Variants in NUFIP1 observed in about 807,000 individuals in gnomAD.
NUFIP1 encodes the protein nuclear FMR1 interacting protein 1.
NUFIP1 carries 38 observed loss-of-function variants against 56.2 expected under a neutral mutation model. The observed-to-expected ratio is 0.68, with a 90% confidence interval of 0.52 to 0.89. The LOEUF (loss-of-function observed/expected upper bound fraction) is 0.89, where lower values mean the gene tolerates loss of function less well. Ranked by LOEUF, NUFIP1 falls within the 40% of genes least tolerant of loss-of-function variation. The pLI is 0.00. For missense variants in NUFIP1, 567 were observed against 605.8 expected (o/e 0.94, Z 0.67); for synonymous variants, 215 against 212.4 (o/e 1.01, Z -0.10).
At chr13:44,962,855 G>A (rs984308746) in intron 6 of NUFIP1, among the ~76,000 whole-genome samples, 3 of 152,132 alleles carry the variant, frequency 2.0e-5, no homozygotes, top group Non-Finnish European at 4.4e-5. Context: ...TTAGCATTGT[G>A]TTACAACTGG....
At chr13:44,974,487 A>C (rs1871902673) in intron 5 of NUFIP1, among the ~76,000 whole-genome samples, 1 of 152,202 alleles carries the variant, frequency 6.6e-6, no homozygotes, top group African/African-American at 2.4e-5. Context: ...CAACTTTAGA[A>C]TCCAGGATGT....
At chr13:44,975,993 T>C (rs1871959739) in intron 5 of NUFIP1, among the ~76,000 whole-genome samples, 1 of 152,230 alleles carries the variant, frequency 6.6e-6, no homozygotes, top group Non-Finnish European at 1.5e-5. Context: ...AGATAACTTT[T>C]AAGTTGCTTT....
intron 8 of NUFIP1, among the ~76,000 whole-genome samples, chr13:44,948,937 T>C (rs901556367): frequency 2.6e-5 from 4 of 152,122 alleles, no homozygotes; most frequent in African/African-American, 9.7e-5. Context: ...AAGTATAAGG[T>C]TGTTGTGTTT....
At chr13:44,948,665 T>C (rs1870974306) in intron 8 of NUFIP1, among the ~76,000 whole-genome samples, 2 of 152,190 alleles carry the variant, frequency 1.3e-5, no homozygotes, top group African/African-American at 4.8e-5. Flanking sequence ...ATTATTGATA[T>C]AAACCTTGGA....
rs531244370 is a variant in NUFIP1 at position 44,941,148 on chromosome 13, C to G, written c.*58G>C. ...AAAAAAGGGTTTTGGTTTTCCTCTA[C>G]TAACGAGGATGATACTGTTTCACAT... On this transcript the variant is annotated 3_prime_UTR_variant, in exon 10 of 10. Transcript: ENST00000379161. The G allele has an allele frequency of 4.5e-5, 39 of 866,734 alleles. No individual in the cohort carries two copies. In the African/African-American group the frequency reaches 6.4e-4, roughly 14 times the overall value. 53.7% of individuals were successfully genotyped at this position (866,734 alleles called of 1,614,324 possible).
At chr13:44,959,334 T>C in intron 7 of NUFIP1, 47 bp downstream of exon 7, 1 of 1,523,812 alleles carries the variant, frequency 6.6e-7, no homozygotes, top group Non-Finnish European at 9.0e-7. Context: ...AACTTCAGCA[T>C]CATTGTCTAT....
chr13:44,955,590 T>G (rs895294938), intron 7 of NUFIP1, among the ~76,000 whole-genome samples: 1 of 152,246 alleles, frequency 6.6e-6, no homozygotes. Flanking sequence ...CAGTGGGTCT[T>G]GTTATCACAG....
intron 8 of NUFIP1, among the ~76,000 whole-genome samples, chr13:44,945,255 C>A (rs1215551612): frequency 1.3e-5 from 2 of 152,012 alleles, no homozygotes; most frequent in East Asian, 3.9e-4. Flanking sequence ...AAATTAACAA[C>A]TTAGGTGAAG....
intron 6 of NUFIP1, among the ~76,000 whole-genome samples, chr13:44,962,619 A>G (rs1004747204): frequency 6.6e-6 from 1 of 152,226 alleles, no homozygotes; most frequent in African/African-American, 2.4e-5. Context: ...TTACTTTTAT[A>G]AAACAATTTA....
intron 5 of NUFIP1, among the ~76,000 whole-genome samples, chr13:44,974,628 T>A (rs1871908451): frequency 6.6e-6 from 1 of 152,184 alleles, no homozygotes; most frequent in South Asian, 2.1e-4. Flanking sequence ...CACAGCCCAC[T>A]GCAACCTCAA....
chr13:44,952,887 T>C (rs1191092814), intron 7 of NUFIP1, among the ~76,000 whole-genome samples: 3 of 152,198 alleles, frequency 2.0e-5, no homozygotes, highest in African/African-American at 4.8e-5. Context: ...TCTTTCCTTG[T>C]TTTTCCTGAA....
At chr13:44,960,547 A>G (rs1055399258) in intron 6 of NUFIP1, among the ~76,000 whole-genome samples, 3 of 152,172 alleles carry the variant, frequency 2.0e-5, no homozygotes, top group African/African-American at 7.2e-5. Context: ...GATTATAGGC[A>G]TGAGCCACTA....
chr13:44,981,577 G>C (rs940871811), intron 2 of NUFIP1, among the ~76,000 whole-genome samples: 1 of 152,118 alleles, frequency 6.6e-6, no homozygotes, highest in Non-Finnish European at 1.5e-5. Flanking sequence ...TTGGGAGGCG[G>C]AGGTGGGCGG....
chr13:44,952,021 A>C (rs1278009641), intron 7 of NUFIP1, among the ~76,000 whole-genome samples: 2 of 152,164 alleles, frequency 1.3e-5, no homozygotes, highest in African/African-American at 4.8e-5. Flanking sequence ...TTTCATTCAG[A>C]TGTCTTAATG....
Position 44,989,257 on chromosome 13 carries a change from CT to C in NUFIP1, c.179del (p.Lys60SerfsTer143). On this transcript the variant is annotated frameshift_variant, in exon 1 of 10. Coordinates refer to ENST00000379161, the MANE Select transcript of NUFIP1 (RefSeq NM_012345.3). LOFTEE classifies it high-confidence loss of function. Reference sequence around the variant, plus strand: ...TGGGGGGCTGCGACTCAGAGGAAGGCTTTGACCCGGCTGCGGGAAGCGAGGA... The same window carrying C: ...TGGGGGGCTGCGACTCAGAGGAAGGCTTGACCCGGCTGCGGGAAGCGAGGA... Reference protein sequence around the residue: ...LTSSLPAAGSKPSSESQPPME... With the variant: ...LTSSLPAAGSXPSSESQPPME... 2 of 1,613,330 alleles carry C rather than the reference CT, an allele frequency of 1.2e-6. No individual in the cohort carries two copies. Among genetic ancestry groups the C allele is most frequent in the Non-Finnish European group, 1.7e-6 (2 of 1,179,762 alleles).
intron 7 of NUFIP1, 64 bp from the exon 8 acceptor site, chr13:44,949,902 T>C (rs993522302): frequency 7.7e-5 from 75 of 976,978 alleles, no homozygotes; most frequent in Non-Finnish European, 1.1e-4. Flanking sequence ...CATCCCCCAT[T>C]CCCTCATTTG....
intron 4 of NUFIP1, 117 bp from the exon 5 acceptor site, chr13:44,979,383 C>T: frequency 1.4e-6 from 1 of 705,594 alleles, no homozygotes; most frequent in Non-Finnish European, 2.3e-6. Context: ...ACCAAGTAAG[C>T]AGGTTGTATC....
intron 6 of NUFIP1, among the ~76,000 whole-genome samples, chr13:44,959,783 A>G (rs1171862657): frequency 6.6e-6 from 1 of 152,116 alleles, no homozygotes; most frequent in East Asian, 1.9e-4. Context: ...GCACCCCACA[A>G]TATACCACAC....
At chr13:44,947,626 T>A (rs1870942925) in intron 8 of NUFIP1, among the ~76,000 whole-genome samples, 1 of 152,176 alleles carries the variant, frequency 6.6e-6, no homozygotes, top group Admixed American at 6.5e-5. Context: ...CAATTTAAAA[T>A]GATGGCAGTC....
Sources: gnomAD v4.1 joint callset for allele counts (sites outside exome capture counted in the v4.1 genomes callset) on GRCh38, gnomAD v4.1.1 for gene constraint, MANE v1.5 for transcripts, NCBI Gene and HGNC (gene_info 2026-07-23, HGNC 2026-07-21) for gene names.